Variants in RAPGEF6 observed in about 807,000 individuals in gnomAD.
RAPGEF6 encodes Rap guanine nucleotide exchange factor 6.
RAPGEF6 carries 56 observed loss-of-function variants against 171.4 expected under a neutral mutation model. The ratio of observed to expected loss-of-function variants is 0.33; its 90% CI spans 0.26 to 0.41. RAPGEF6 has a LOEUF of 0.41. RAPGEF6 is among the 10% of genes least tolerant of loss of function. The pLI, the probability that RAPGEF6 is intolerant of heterozygous loss-of-function variation, is 1.00. For synonymous variants in RAPGEF6, 692 were observed against 650.1 expected, an observed-to-expected ratio of 1.06 and a Z score of -0.98; for missense variants, 1,674 against 1,921.4, an observed-to-expected ratio of 0.87 and a Z score of 2.41.
intron 24 of RAPGEF6, chr5:131,436,142 G>T: frequency 6.5e-7 from 1 of 1,537,880 alleles, no homozygotes; most frequent in Non-Finnish European, 8.7e-7. Flanking sequence ...CTGTTGACTA[G>T]TCTCTCCCTT....
At position 131,572,561 on chromosome 5, in the gene RAPGEF6, C is replaced by T. The variant is rs73788703; in HGVS notation, c.282-10514G>A. On this transcript the variant is annotated intron_variant, in intron 4 of 27. Coordinates refer to ENST00000509018, the MANE Select transcript of RAPGEF6 (RefSeq NM_016340.6). ...CACCCACATTCCCTTGGTGGCAGGT[C>T]AACTGTGGAGATGCCTGCTTTGGCT... Among the ~76,000 whole-genome samples the T allele has an allele frequency of 7.3e-3, 1,108 of 152,254 alleles. 13 individuals carry two copies. The highest frequency in any genetic ancestry group is 0.025 in the African/African-American group (1,027 of 41,556).
chr5:131,582,088 C>G (rs1763001100), intron 4 of RAPGEF6, among the ~76,000 whole-genome samples: 1 of 152,174 alleles, frequency 6.6e-6, no homozygotes, highest in Non-Finnish European at 1.5e-5. Context: ...GACTCCTTTC[C>G]CAGACTCAGC....
intron 4 of RAPGEF6, among the ~76,000 whole-genome samples, chr5:131,587,817 T>C (rs566555758): frequency 6.6e-6 from 1 of 152,190 alleles, no homozygotes; most frequent in East Asian, 1.9e-4. Flanking sequence ...CCTTTCTCCC[T>C]TGAAAACCCT....
At chr5:131,605,801 C>T (rs570071376) in intron 1 of RAPGEF6, among the ~76,000 whole-genome samples, 15 of 151,850 alleles carry the variant, frequency 9.9e-5, no homozygotes, top group African/African-American at 2.9e-4. Flanking sequence ...GAGGTCGAGG[C>T]GGGCGGAACA....
intron 16 of RAPGEF6, among the ~76,000 whole-genome samples, chr5:131,473,732 G>A (rs1315065126): frequency 1.3e-5 from 2 of 152,088 alleles, no homozygotes; most frequent in East Asian, 3.8e-4. Context: ...TTAAAGTATA[G>A]TATTATAAAT....
chr5:131,553,908 G>A (rs1581015284), intron 5 of RAPGEF6, among the ~76,000 whole-genome samples: 1 of 150,734 alleles, frequency 6.6e-6, no homozygotes, highest in Non-Finnish European at 1.5e-5. Context: ...AAAGCTAAGA[G>A]GAAAGGTTGA....
At chr5:131,600,991 G>A (rs1764208159) in intron 3 of RAPGEF6, among the ~76,000 whole-genome samples, 1 of 151,122 alleles carries the variant, frequency 6.6e-6, no homozygotes, top group Non-Finnish European at 1.5e-5. Flanking sequence ...GTGTAGTGGC[G>A]TATGCCTGTA....
intron 4 of RAPGEF6, among the ~76,000 whole-genome samples, chr5:131,588,974 A>G (rs538941024): frequency 1.3e-5 from 2 of 151,766 alleles, no homozygotes; most frequent in Middle Eastern, 3.4e-3. Flanking sequence ...GGAGACTGAG[A>G]CAGGAGAATT....
intron 4 of RAPGEF6, among the ~76,000 whole-genome samples, chr5:131,568,758 A>G (rs1419611571): frequency 2.0e-5 from 3 of 152,232 alleles, no homozygotes; most frequent in Non-Finnish European, 4.4e-5. Flanking sequence ...AAGAAAAGAC[A>G]TTAAAGGCAT....
intron 5 of RAPGEF6, among the ~76,000 whole-genome samples, chr5:131,549,756 C>T (rs1255691797): frequency 6.6e-6 from 1 of 151,934 alleles, no homozygotes; most frequent in East Asian, 1.9e-4. Flanking sequence ...AGTACAAGCA[C>T]AGGTTTATTA....
At chr5:131,628,530 T>A (rs1387725109) in intron 1 of RAPGEF6, among the ~76,000 whole-genome samples, 1 of 152,164 alleles carries the variant, frequency 6.6e-6, no homozygotes, top group African/African-American at 2.4e-5. Flanking sequence ...AAGTAAGTTA[T>A]CCTGAAGATC....
At position 131,439,653 on chromosome 5, in the gene RAPGEF6, C is replaced by T; in HGVS notation, c.3673G>A (p.Glu1225Lys). Residue 1225 changes from glutamate to lysine, a missense_variant, in exon 24 of 28, where the codon GAA (glutamate) becomes AAA (lysine). Glu to Lys is a moderately conservative substitution (Grantham distance 56). Coordinates refer to ENST00000509018, the MANE Select transcript of RAPGEF6 (RefSeq NM_016340.6). ...GATGACGCCACAGAAATAGTGTCTT[C>T]TGTATGCTTCTTACCACTTATTTCT... is the stretch of plus-strand genomic sequence containing the variant. ...TEEISGKKHT[E>K]DTISVASSLH... is the part of the protein sequence containing the mutation. 3.1e-6 allele frequency: 5 copies of T among 1,612,668 alleles called. No homozygotes were observed. Among genetic ancestry groups the T allele is most frequent in the Non-Finnish European group, 3.4e-6 (4 of 1,179,340 alleles).
At chr5:131,438,798 T>A (rs1305590212) in intron 24 of RAPGEF6, among the ~76,000 whole-genome samples, 3 of 152,118 alleles carry the variant, frequency 2.0e-5, no homozygotes, top group African/African-American at 7.2e-5. Flanking sequence ...AAGTAAAAAA[T>A]CCACAAGAGT....
intron 27 of RAPGEF6, among the ~76,000 whole-genome samples, chr5:131,428,580 C>T (rs1344883014): frequency 6.6e-6 from 1 of 152,016 alleles, no homozygotes; most frequent in African/African-American, 2.4e-5. Flanking sequence ...CCTGCCTCAG[C>T]CTCCCGAGTA....
intron 4 of RAPGEF6, 131 bp from the exon 5 acceptor site, chr5:131,562,178 TTTATG>T (rs1307906984): frequency 3.3e-5 from 20 of 598,132 alleles, no homozygotes; most frequent in Admixed American, 7.2e-5. Context: ...TGTCACAATA[TTTATG>T]TTAAGATTTT....
chr5:131,432,154 C>A (rs1169449602), intron 25 of RAPGEF6, among the ~76,000 whole-genome samples: 3 of 152,024 alleles, frequency 2.0e-5, no homozygotes, highest in African/African-American at 7.2e-5. Flanking sequence ...AAAACAAAAC[C>A]AAACCAGAAG....
At chr5:131,548,216 T>C (rs778469433) in intron 5 of RAPGEF6, 26 bp from the exon 6 acceptor site, 15 of 1,609,180 alleles carry the variant, frequency 9.3e-6, no homozygotes, top group African/African-American at 1.3e-5. Context: ...ATATTCCTGA[T>C]GAAATATCAA....
At chr5:131,617,726 T>C (rs1344474498) in intron 1 of RAPGEF6, among the ~76,000 whole-genome samples, 1 of 152,216 alleles carries the variant, frequency 6.6e-6, no homozygotes, top group Non-Finnish European at 1.5e-5. Flanking sequence ...AAACCCCGTC[T>C]CTACTAAAAA....
chr5:131,562,040 T>G lies in RAPGEF6; in HGVS notation c.289A>C (p.Lys97Gln). 6.3e-7 allele frequency: 1 copy of G among 1,576,982 alleles called. No individual in the cohort carries two copies. Among genetic ancestry groups the G allele is most frequent in the East Asian group, 2.3e-5 (1 of 43,102 alleles). Reference sequence around the variant, plus strand: ...CATCCTCTTTTTCCTCCAAACTGCTTACCAAAACTATAAAAACAGAAAAAC... The same window carrying G: ...CATCCTCTTTTTCCTCCAAACTGCTGACCAAAACTATAAAAACAGAAAAAC... The part of the protein sequence containing the change: ...SMVLPPCSFG[K>Q]QFGGKRGCDC... The change falls in exon 5 of 28, where the codon AAG becomes CAG. Residue 97 changes from lysine (K) to glutamine (Q), a missense_variant. Transcript: ENST00000509018.
Sources: allele counts gnomAD v4.1 joint callset (sites outside exome capture counted in the v4.1 genomes callset), GRCh38; gene constraint gnomAD v4.1.1; transcripts MANE v1.5; gene names NCBI Gene and HGNC (gene_info 2026-07-23, HGNC 2026-07-21).